STAG1: variants seen among roughly 807,000 people sequenced by gnomAD.
STAG1 encodes cohesin subunit SA-1.
STAG1 carries 26 observed loss-of-function variants against 170.9 expected under a neutral mutation model. The ratio of observed to expected loss-of-function variants is 0.15; its 90% confidence interval spans 0.11 to 0.21. The LOEUF is 0.21. Ranked by LOEUF, STAG1 falls within the 10% of genes least tolerant of loss-of-function variation. The pLI, the probability that STAG1 is intolerant of heterozygous loss-of-function variation, is 1.00. For missense variants in STAG1, 964 were observed against 1,509.5 expected (o/e 0.64, Z 5.99); for synonymous variants, 514 against 497.7 (o/e 1.03, Z -0.44).
chr3:136,623,672 C>A (rs1179191190), intron 2 of STAG1, among the ~76,000 whole-genome samples: 1 of 151,994 alleles, frequency 6.6e-6, no homozygotes, highest in Non-Finnish European at 1.5e-5. Flanking sequence ...TTAAGACATA[C>A]GGCCGGGCAC....
chr3:136,521,522 T>G (rs1934669950), intron 6 of STAG1, 105 bp from the exon 7 acceptor site: 1 of 906,776 alleles, frequency 1.1e-6, no homozygotes, highest in African/African-American at 1.7e-5. Flanking sequence ...GCAAAGCAGT[T>G]ATAGAAAGAA....
chr3:136,378,467 A>G (rs1937736243), intron 22 of STAG1, among the ~76,000 whole-genome samples: 1 of 152,192 alleles, frequency 6.6e-6, no homozygotes, highest in African/African-American at 2.4e-5. Flanking sequence ...CCCAGGTTTG[A>G]GAGGATTGCT....
chr3:136,440,716 G>A (rs2088605297), intron 15 of STAG1, among the ~76,000 whole-genome samples: 1 of 152,092 alleles, frequency 6.6e-6, no homozygotes, highest in Non-Finnish European at 1.5e-5. Context: ...AAGCCGGGGA[G>A]TGGTGGCTCA....
intron 4 of STAG1, among the ~76,000 whole-genome samples, chr3:136,570,802 C>T (rs1412843903): frequency 6.6e-6 from 1 of 152,210 alleles, no homozygotes; most frequent in African/African-American, 2.4e-5. Flanking sequence ...TTCCCTTCCT[C>T]CAAGTGAAAG....
chr3:136,417,919 T>C lies in STAG1; in HGVS notation c.2162A>G (p.Lys721Arg). 1 of 1,614,050 alleles carries C rather than the reference T, an allele frequency of 6.2e-7. No homozygotes were observed. Among genetic ancestry groups the C allele is most frequent in the Non-Finnish European group, 8.5e-7 (1 of 1,179,932 alleles). The change falls in exon 21 of 34, where the codon AAG (lysine) becomes AGG (arginine). Residue 721 changes from lysine to arginine, a missense_variant. Physicochemically the swap from Lys to Arg is conservative, Grantham distance 26 (BLOSUM62 2). Around this residue, in one of 11 missense-constraint regions of STAG1, gnomAD observed 232 missense variants for 313.0 expected, o/e 0.74. Transcript: ENST00000383202. Reference sequence around the variant, plus strand: ...CATGGCTCCATGTTCAATTCCAGTCTTCAATAATCTGTAGCAATTACCAAA... The same window carrying C: ...CATGGCTCCATGTTCAATTCCAGTCCTCAATAATCTGTAGCAATTACCAAA... Reference protein sequence around the residue: ...DLFGNCYRLLKTGIEHGAMPE... With the variant: ...DLFGNCYRLLRTGIEHGAMPE...
chr3:136,494,882 A>T lies in STAG1; in HGVS notation c.902+5341T>A, dbSNP rs1446740297. Among the ~76,000 whole-genome samples, 4 of 152,294 alleles carry T rather than the reference A, an allele frequency of 2.6e-5. No individual in the cohort carries two copies. In the East Asian group the frequency reaches 7.7e-4, roughly 29 times the overall value. The stretch of plus-strand genomic sequence containing the variant: ...AAGGAATAAATTCTATATTGTTAAG[A>T]GGTTAATTCTCTCCAAATTGGTTCA... On this transcript the variant is annotated intron_variant, in intron 9 of 33. Coordinates refer to ENST00000383202, the MANE Select transcript of STAG1 (RefSeq NM_005862.3).
intron 5 of STAG1, among the ~76,000 whole-genome samples, chr3:136,543,682 A>C (rs1434279841): frequency 1.3e-5 from 2 of 152,186 alleles, no homozygotes; most frequent in Admixed American, 1.3e-4. Context: ...TAGGATTTCT[A>C]ATCTTTTAAG....
chr3:136,420,289 C>T (rs1021098717), intron 20 of STAG1, among the ~76,000 whole-genome samples: 2 of 133,454 alleles, frequency 1.5e-5, no homozygotes, highest in Admixed American at 7.6e-5. Context: ...GATAGCAAAA[C>T]ATAATCATCT....
chr3:136,464,749 T>C, intron 13 of STAG1, 132 bp downstream of exon 13: 1 of 661,482 alleles, frequency 1.5e-6, no homozygotes, highest in East Asian at 2.8e-5. Context: ...GTGAGGCTGT[T>C]ATAGCCCCTG....
rs1002393475 is a variant in STAG1, at chr3:136,607,701, T to C, written c.133-3228A>G. ...TACAGGCGTGAGCCACCGTGTCCGA[T>C]GTAATTCAATACTGTTTTACTTTGT... On this transcript the variant is annotated intron_variant, in intron 3 of 33. Transcript: ENST00000383202. 2.9e-4 allele frequency among the ~76,000 whole-genome samples: 44 copies of C among 152,296 alleles called. 1 individual carries two copies. Among genetic ancestry groups the C allele is most frequent in the African/African-American group, 1.0e-3 (43 of 41,576 alleles).
chr3:136,586,712 A>G (rs1337520295), intron 4 of STAG1: 4 of 330,546 alleles, frequency 1.2e-5, no homozygotes, highest in Non-Finnish European at 2.4e-5. Flanking sequence ...ATGCCTTCTA[A>G]TTACCTAAAA....
rs112484297 is a variant in STAG1, at chr3:136,743,380, AT to A, written c.-84+8814del. Among the ~76,000 whole-genome samples the A allele has an allele frequency of 3.7e-3, 550 of 150,002 alleles. 2 individuals are homozygous for A. The highest frequency in any genetic ancestry group is 0.012 in the African/African-American group (471 of 40,838). On this transcript the variant is annotated intron_variant, in intron 1 of 33. Transcript: ENST00000383202. Reference sequence around the variant, plus strand: ...TGAAACTCCTTCTCAAAAAAAAAAAATAATAATAACAATACCAGAAATTAAA... The same window carrying A: ...TGAAACTCCTTCTCAAAAAAAAAAAAAATAATAACAATACCAGAAATTAAA...
intron 1 of STAG1, among the ~76,000 whole-genome samples, chr3:136,696,672 G>A (rs1011672315): frequency 6.6e-6 from 1 of 151,852 alleles, no homozygotes; most frequent in Admixed American, 6.6e-5. Context: ...CAATTTTGCT[G>A]TAAATCTTAA....
In STAG1 at chr3:136,347,395, CAAAA is replaced by C. The variant is rs34533734; in HGVS notation, c.3271+1759_3271+1762del. Among the ~76,000 whole-genome samples, 144 of 78,712 alleles carry C rather than the reference CAAAA, an allele frequency of 1.8e-3. 1 individual carries two copies. The highest frequency in any genetic ancestry group is 4.1e-3 in the South Asian group (8 of 1,944). 51.6% of individuals were successfully genotyped at this position (78,712 alleles called of 152,430 possible). On this transcript the variant is annotated intron_variant, in intron 29 of 33. Coordinates refer to ENST00000383202, the MANE Select transcript of STAG1 (RefSeq NM_005862.3). ...TGGGTGACAGAGGGAGATCCTGTCT[CAAAA>C]AAAAAAAAAAAAAAAAAAAGGAAAT...
chr3:136,597,729 C>T (rs1938491024), intron 4 of STAG1, among the ~76,000 whole-genome samples: 1 of 151,914 alleles, frequency 6.6e-6, no homozygotes, highest in Admixed American at 6.6e-5. Flanking sequence ...AATTTCAACA[C>T]AATTATATCC....
chr3:136,698,106 G>A (rs1283227948), intron 1 of STAG1, among the ~76,000 whole-genome samples: 1 of 150,152 alleles, frequency 6.7e-6, no homozygotes, highest in Non-Finnish European at 1.5e-5. Flanking sequence ...CATTGGCTTA[G>A]GCAAAGAATT....
chr3:136,667,711 GTCTCAAACTCCTGA>G (rs1459412186), intron 1 of STAG1, among the ~76,000 whole-genome samples: 4 of 152,062 alleles, frequency 2.6e-5, no homozygotes, highest in Non-Finnish European at 1.5e-5. Flanking sequence ...GGCCAGGGTG[GTCTCAAACTCCTGA>G]TCTCAAGTGA....
At chr3:136,682,441 AAT>A (rs1559948390) in intron 1 of STAG1, among the ~76,000 whole-genome samples, 10 of 143,908 alleles carry the variant, frequency 6.9e-5, no homozygotes, top group African/African-American at 2.5e-4. Flanking sequence ...TTAAAAAAAA[AAT>A]AAAATATATA....
chr3:136,446,221 T>C (rs2088773007), intron 14 of STAG1, among the ~76,000 whole-genome samples: 2 of 152,210 alleles, frequency 1.3e-5, no homozygotes, highest in Admixed American at 6.5e-5. Flanking sequence ...TCATAGTTTT[T>C]AGGTTTAGCG....
Sources: allele counts gnomAD v4.1 joint callset (sites outside exome capture counted in the v4.1 genomes callset), GRCh38; gene constraint gnomAD v4.1.1; regional missense constraint gnomAD v4.1.1; transcripts MANE v1.5; gene names NCBI Gene and HGNC (gene_info 2026-07-23, HGNC 2026-07-21).